Variants in MARCHF1 observed in about 807,000 individuals in gnomAD.
MARCHF1 encodes membrane associated ring-CH-type finger 1.
MARCHF1 carries 40 observed loss-of-function variants against 54.2 expected under a neutral mutation model. The observed-to-expected ratio is 0.74, with a 90% CI of 0.57 to 0.96. The LOEUF (loss-of-function observed/expected upper bound fraction) is 0.96. MARCHF1 is among the 40% of genes least tolerant of loss of function. The probability of loss-of-function intolerance (pLI) is 0.00; values close to 1 mark genes in which losing one functional copy is unlikely to be tolerated. For synonymous variants in MARCHF1, 236 were observed against 236.3 expected (o/e 1.00, Z 0.01); for missense variants, 586 against 656.5 (o/e 0.89, Z 1.17).
rs140793389 is a variant in MARCHF1 at position 163,988,195 on chromosome 4, G to T, written c.-39+306C>A. Among the ~76,000 whole-genome samples the T allele has an allele frequency of 6.3e-3, 952 of 152,230 alleles. 9 individuals carry two copies. The highest frequency in any genetic ancestry group is 0.022 in the African/African-American group (908 of 41,536). ...TGTCCAGAGCCAACCCAAAACAGCC[G>T]GTTGTAACCCACAAGCCATAAAAGT... is the stretch of plus-strand genomic sequence containing the variant. On this transcript the variant is annotated intron_variant, in intron 3 of 9. Transcript: ENST00000514618.
chr4:163,629,033 A>T (rs1373284171), intron 5 of MARCHF1, among the ~76,000 whole-genome samples: 1 of 152,222 alleles, frequency 6.6e-6, no homozygotes, highest in Non-Finnish European at 1.5e-5. Flanking sequence ...CTTTCTTCAC[A>T]GAATTAGAAA....
intron 1 of MARCHF1, among the ~76,000 whole-genome samples, chr4:164,365,791 C>A (rs1730861599): frequency 6.6e-6 from 1 of 151,960 alleles, no homozygotes; most frequent in South Asian, 2.1e-4. Context: ...TTTGACAGGT[C>A]TCATTAACTA....
At chr4:163,655,289 T>A (rs542785717) in intron 5 of MARCHF1, among the ~76,000 whole-genome samples, 2 of 151,876 alleles carry the variant, frequency 1.3e-5, no homozygotes, top group African/African-American at 4.8e-5. Context: ...AGTAAATTTT[T>A]AAAGTTCTTT....
intron 3 of MARCHF1, among the ~76,000 whole-genome samples, chr4:163,916,455 G>A (rs1751309800): frequency 1.3e-5 from 2 of 152,062 alleles, no homozygotes; most frequent in Non-Finnish European, 2.9e-5. Context: ...GTGTGTAAGG[G>A]TCTGAGAGGG....
At chr4:164,301,586 C>A (rs542854794) in intron 1 of MARCHF1, among the ~76,000 whole-genome samples, 4 of 152,028 alleles carry the variant, frequency 2.6e-5, no homozygotes, top group Non-Finnish European at 5.9e-5. Flanking sequence ...GTTAGCTAAA[C>A]CTTGGGAGTG....
intron 3 of MARCHF1, among the ~76,000 whole-genome samples, chr4:163,982,635 G>C (rs1752785900): frequency 6.6e-6 from 1 of 152,152 alleles, no homozygotes; most frequent in Non-Finnish European, 1.5e-5. Flanking sequence ...TTTTAACAAG[G>C]ATTGGTTTTA....
intron 3 of MARCHF1, among the ~76,000 whole-genome samples, chr4:163,905,591 A>G (rs1344242453): frequency 3.3e-5 from 5 of 152,124 alleles, no homozygotes; most frequent in Admixed American, 1.3e-4. Flanking sequence ...TAGTTCTGCT[A>G]TGAAAAGTCC....
At chr4:163,992,061 C>CAAAAAAA (rs544389591) in intron 2 of MARCHF1, among the ~76,000 whole-genome samples, 8 of 52,858 alleles carry the variant, frequency 1.5e-4, no homozygotes, top group African/African-American at 4.6e-4. Flanking sequence ...TTGTCAGCTG[C>CAAAAAAA]AAAAAAAAAA....
rs1233830358 is a variant in MARCHF1 at position 163,525,596 on chromosome 4, T to C, written c.*3152A>G. 6.6e-6 allele frequency: 1 copy of C among 152,150 alleles called. No individual in the cohort carries two copies. Among genetic ancestry groups the C allele is most frequent in the African/African-American group, 2.4e-5 (1 of 41,456 alleles). 9.4% of individuals were successfully genotyped at this position (152,150 alleles called of 1,614,324 possible). On this transcript the variant is annotated 3_prime_UTR_variant, in exon 10 of 10. Coordinates refer to ENST00000514618, the MANE Select transcript of MARCHF1 (RefSeq NM_001394959.1). ...CTTTACTCCTGTACGATAAGAGTGA[T>C]AGTTCTTTAAAAAAATTAACAGCAT...
At chr4:164,200,442 A>G (rs1731421664) in intron 1 of MARCHF1, among the ~76,000 whole-genome samples, 1 of 152,140 alleles carries the variant, frequency 6.6e-6, no homozygotes, top group Admixed American at 6.5e-5. Flanking sequence ...TATAACTGGT[A>G]CCTGTTTCCT....
At chr4:164,109,933 A>AAAAG (rs1755798904) in intron 2 of MARCHF1, among the ~76,000 whole-genome samples, 1 of 150,088 alleles carries the variant, frequency 6.7e-6, no homozygotes, top group African/African-American at 2.4e-5. Flanking sequence ...AAAAAAAAAA[A>AAAAG]AAAGAAAATG....
At chr4:164,316,261 C>A (rs781218431) in intron 1 of MARCHF1, among the ~76,000 whole-genome samples, 1 of 152,092 alleles carries the variant, frequency 6.6e-6, no homozygotes, top group South Asian at 2.1e-4. Flanking sequence ...TCAAAAGTAG[C>A]AATGACTTCT....
chr4:163,647,121 G>GA (rs1450011389), intron 5 of MARCHF1, among the ~76,000 whole-genome samples: 1 of 151,950 alleles, frequency 6.6e-6, no homozygotes, highest in African/African-American at 2.4e-5. Flanking sequence ...ACTTATATCA[G>GA]AAAAAATAGA....
intron 3 of MARCHF1, among the ~76,000 whole-genome samples, chr4:163,958,476 CTTTT>C (rs997164789): frequency 6.6e-6 from 1 of 151,794 alleles, no homozygotes; most frequent in Admixed American, 6.6e-5. Flanking sequence ...TAAATGAATA[CTTTT>C]TTTGTTACTT....
At chr4:164,063,227 A>C (rs1015632035) in intron 2 of MARCHF1, among the ~76,000 whole-genome samples, 20 of 152,234 alleles carry the variant, frequency 1.3e-4, no homozygotes, top group Admixed American at 1.1e-3. Context: ...CTAATAACAG[A>C]GTCAGACTGT....
intron 5 of MARCHF1, among the ~76,000 whole-genome samples, chr4:163,685,148 C>A (rs2111177845): frequency 6.6e-6 from 1 of 152,170 alleles, no homozygotes; most frequent in Non-Finnish European, 1.5e-5. Flanking sequence ...CCTCAACTCC[C>A]TTCATTAAAA....
At chr4:163,647,854 A>G (rs544948846) in intron 5 of MARCHF1, among the ~76,000 whole-genome samples, 2 of 151,694 alleles carry the variant, frequency 1.3e-5, no homozygotes, top group African/African-American at 4.8e-5. Flanking sequence ...CTAGAAAAAG[A>G]AGAACAAAAG....
chr4:163,948,263 C>CT lies in MARCHF1; in HGVS notation c.-39+40237dup, dbSNP rs762880910. ...AAATCAGGTAATATCATTAGCTAGA[C>CT]TTTTTTCATATTAAGAAGCAAATTC... On this transcript the variant is annotated intron_variant, in intron 3 of 9. Transcript: ENST00000514618. Among the ~76,000 whole-genome samples, 51 of 152,268 alleles carry CT rather than the reference C, an allele frequency of 3.3e-4. 1 individual carries two copies. The highest frequency in any genetic ancestry group is 6.0e-4 in the Non-Finnish European group (41 of 68,008).
At chr4:163,911,388 T>C (rs1395465581) in intron 3 of MARCHF1, among the ~76,000 whole-genome samples, 1 of 152,130 alleles carries the variant, frequency 6.6e-6, no homozygotes, top group African/African-American at 2.4e-5. Context: ...AGGCTTTCCC[T>C]ATCAGAGGAG....
Sources: allele counts gnomAD v4.1 joint callset (sites outside exome capture counted in the v4.1 genomes callset), GRCh38; gene constraint gnomAD v4.1.1; transcripts MANE v1.5; gene names NCBI Gene and HGNC (gene_info 2026-07-23, HGNC 2026-07-21).